The following CNTN5 variants were observed in gnomAD, a reference collection of about 807,000 sequenced individuals.
The protein encoded by CNTN5 is contactin 5.
A neutral mutation model predicts 129.1 loss-of-function variants in CNTN5; 77 were observed. The ratio of observed to expected loss-of-function variants is 0.60; its 90% CI spans 0.50 to 0.72. CNTN5 has a LOEUF of 0.72. CNTN5 is among the 30% of genes least tolerant of loss of function. The pLI, the probability that CNTN5 is intolerant of heterozygous loss-of-function variation, is 0.00. For synonymous variants in CNTN5, 509 were observed against 465.6 expected (o/e 1.09, Z -1.20); for missense variants, 1,478 against 1,328.8 (o/e 1.11, Z -1.75).
intron 1 of CNTN5, among the ~76,000 whole-genome samples, chr11:99,074,087 T>G (rs1323832339): frequency 6.6e-5 from 10 of 152,162 alleles, no homozygotes; most frequent in African/African-American, 1.9e-4. Context: ...GCATGAGATG[T>G]TATCTCATTG....
intron 10 of CNTN5, among the ~76,000 whole-genome samples, chr11:100,061,751 A>G (rs748358771): frequency 5.3e-5 from 8 of 152,182 alleles, no homozygotes; most frequent in Non-Finnish European, 8.8e-5. Flanking sequence ...GTGTCCATCA[A>G]CGAGATCCTG....
At position 99,881,935 on chromosome 11, in the gene CNTN5, A is replaced by C. The variant is rs549820504; in HGVS notation, c.578-34119A>C. On this transcript the variant is annotated intron_variant, in intron 6 of 24. Coordinates refer to ENST00000524871, the MANE Select transcript of CNTN5 (RefSeq NM_014361.4). ...ACAGTAGATCACAGTCTTAGCTATT[A>C]CTGTTGATCAAATATAGCACTGAAT... Among the ~76,000 whole-genome samples, 53 of 152,328 alleles carry C rather than the reference A, an allele frequency of 3.5e-4. No homozygotes were observed. The South Asian group carries it at 6.4e-3, about 18-fold the overall frequency.
intron 2 of CNTN5, among the ~76,000 whole-genome samples, chr11:99,453,932 G>A (rs1009433375): frequency 2.0e-5 from 3 of 152,142 alleles, no homozygotes; most frequent in Non-Finnish European, 4.4e-5. Flanking sequence ...TCTAAGAAGA[G>A]GGAAAAAAGC....
At chr11:99,275,140 C>T (rs887669171) in intron 1 of CNTN5, among the ~76,000 whole-genome samples, 8 of 151,102 alleles carry the variant, frequency 5.3e-5, no homozygotes, top group African/African-American at 1.9e-4. Context: ...GACCCCTAGC[C>T]TCATGAAATG....
At chr11:100,235,824 A>G (rs1038261457) in intron 16 of CNTN5, among the ~76,000 whole-genome samples, 1 of 152,116 alleles carries the variant, frequency 6.6e-6, no homozygotes, top group African/African-American at 2.4e-5. Context: ...GTGGGTACCA[A>G]TTACTTACTG....
intron 18 of CNTN5, among the ~76,000 whole-genome samples, chr11:100,286,228 G>T (rs998263112): frequency 3.3e-5 from 5 of 152,232 alleles, no homozygotes; most frequent in African/African-American, 1.2e-4. Flanking sequence ...AAGCAGCAGG[G>T]AAGCTCCAAC....
chr11:99,965,210 A>G (rs1238415064), intron 8 of CNTN5, among the ~76,000 whole-genome samples: 1 of 151,912 alleles, frequency 6.6e-6, no homozygotes, highest in East Asian at 1.9e-4. Context: ...TAGCTTTTGA[A>G]TGTGTTTGCT....
intron 15 of CNTN5, among the ~76,000 whole-genome samples, chr11:100,210,565 G>A (rs993207972): frequency 1.3e-5 from 2 of 152,102 alleles, no homozygotes; most frequent in Admixed American, 1.3e-4. Flanking sequence ...AAACAAAGAT[G>A]ACTAATGTAT....
At chr11:100,224,888 T>A (rs754023543) in intron 16 of CNTN5, 76 bp downstream of exon 16, 12 of 1,455,238 alleles carry the variant, frequency 8.2e-6, no homozygotes, top group Non-Finnish European at 1.1e-5. Flanking sequence ...ATGCATGGAC[T>A]TTGAGCACAT....
intron 12 of CNTN5, among the ~76,000 whole-genome samples, chr11:100,072,222 C>T (rs1296302950): frequency 6.6e-6 from 1 of 152,152 alleles, no homozygotes; most frequent in East Asian, 1.9e-4. Flanking sequence ...TTAATAATTT[C>T]CCAGGCAGTT....
At chr11:99,807,592 T>G (rs1248774677) in intron 3 of CNTN5, among the ~76,000 whole-genome samples, 2 of 152,184 alleles carry the variant, frequency 1.3e-5, no homozygotes, top group East Asian at 3.9e-4. Context: ...CTTGGTTCAC[T>G]GCAACCACCA....
chr11:99,714,122 C>A (rs1955119740), intron 3 of CNTN5, among the ~76,000 whole-genome samples: 1 of 151,726 alleles, frequency 6.6e-6, no homozygotes, highest in Admixed American at 6.6e-5. Flanking sequence ...TTCTGAACTT[C>A]AAATACAATC....
intron 2 of CNTN5, among the ~76,000 whole-genome samples, chr11:99,547,115 T>C (rs1948323423): frequency 6.6e-6 from 1 of 150,850 alleles, no homozygotes; most frequent in South Asian, 2.1e-4. Context: ...GCGATTCTCC[T>C]GCCTCAGCCT....
chr11:99,147,556 C>T (rs1387229774), intron 1 of CNTN5, among the ~76,000 whole-genome samples: 2 of 152,092 alleles, frequency 1.3e-5, no homozygotes, highest in Non-Finnish European at 2.9e-5. Context: ...GAAGGACAGA[C>T]CACATCTATC....
chr11:99,577,844 A>ATTATTT (rs778051757), intron 3 of CNTN5, among the ~76,000 whole-genome samples: 1 of 150,158 alleles, frequency 6.7e-6, no homozygotes, highest in Non-Finnish European at 1.5e-5. Context: ...TATTATTATT[A>ATTATTT]TACTTTAAGT....
chr11:99,294,244 A>G lies in CNTN5; in HGVS notation c.-209-31102A>G, dbSNP rs148393415. Among the ~76,000 whole-genome samples, 498 of 152,254 alleles carry G rather than the reference A, an allele frequency of 3.3e-3. 6 individuals carry two copies. The highest frequency in any genetic ancestry group is 0.011 in the African/African-American group (475 of 41,556). ...TTCTCTTGTTTGTGCCCTTGTTTGC[A>G]AACGTGACCTTCTACTTACAAAATC... On this transcript the variant is annotated intron_variant, in intron 1 of 24. Coordinates refer to ENST00000524871, the MANE Select transcript of CNTN5 (RefSeq NM_014361.4).
At chr11:100,280,559 A>C (rs1408158526) in intron 18 of CNTN5, among the ~76,000 whole-genome samples, 1 of 151,910 alleles carries the variant, frequency 6.6e-6, no homozygotes, top group Non-Finnish European at 1.5e-5. Flanking sequence ...TGTGTTTTCA[A>C]TCTATGAGTG....
intron 3 of CNTN5, among the ~76,000 whole-genome samples, chr11:99,585,200 G>C (rs1949753158): frequency 6.6e-6 from 1 of 152,210 alleles, no homozygotes; most frequent in Admixed American, 6.5e-5. Context: ...GGTGATTTCA[G>C]ATTACTCATT....
chr11:99,727,175 G>A (rs928540471), intron 3 of CNTN5, among the ~76,000 whole-genome samples: 8 of 148,346 alleles, frequency 5.4e-5, no homozygotes, highest in Admixed American at 1.3e-4. Flanking sequence ...GCGCGGTGGC[G>A]GGCGCCTGTA....
Sources: allele counts gnomAD v4.1 joint callset (sites outside exome capture counted in the v4.1 genomes callset), GRCh38; gene constraint gnomAD v4.1.1; transcripts MANE v1.5; gene names NCBI Gene and HGNC (gene_info 2026-07-23, HGNC 2026-07-21).